ADAM22: variants seen among roughly 807,000 people sequenced by gnomAD.
ADAM22 encodes the protein ADAM metallopeptidase domain 22.
A neutral mutation model predicts 144.6 loss-of-function variants in ADAM22; 65 were observed. That is an observed-to-expected ratio of 0.45 (90% CI 0.37 to 0.55). ADAM22 has a LOEUF of 0.55. Ranked by LOEUF, ADAM22 falls within the 20% of genes least tolerant of loss-of-function variation. ADAM22 has a pLI of 0.00. For missense variants in ADAM22, 974 were observed against 1,184.9 expected (o/e 0.82, Z 2.61); for synonymous variants, 391 against 412.6 (o/e 0.95, Z 0.63).
At chr7:88,009,512 C>G (rs1388917168) in intron 3 of ADAM22, among the ~76,000 whole-genome samples, 1 of 152,092 alleles carries the variant, frequency 6.6e-6, no homozygotes, top group Non-Finnish European at 1.5e-5. Flanking sequence ...AATCAGGCAT[C>G]ATAATTTTTC....
chr7:87,983,723 A>G (rs1474795380), intron 3 of ADAM22, among the ~76,000 whole-genome samples: 7 of 152,062 alleles, frequency 4.6e-5, no homozygotes, highest in Non-Finnish European at 1.0e-4. Context: ...TTTTTGTAAT[A>G]AAAATAACTA....
chr7:88,005,298 A>G (rs1793539866), intron 3 of ADAM22, among the ~76,000 whole-genome samples: 1 of 152,158 alleles, frequency 6.6e-6, no homozygotes, highest in Non-Finnish European at 1.5e-5. Context: ...TAAGACTGTG[A>G]TCTGGATGTC....
chr7:88,022,625 A>C (rs2129467047), intron 3 of ADAM22, among the ~76,000 whole-genome samples: 1 of 152,256 alleles, frequency 6.6e-6, no homozygotes, highest in African/African-American at 2.4e-5. Flanking sequence ...TGGTGTATGA[A>C]ATTTAATTTT....
chr7:88,056,180 T>C (rs961930867), intron 3 of ADAM22, among the ~76,000 whole-genome samples: 2 of 152,334 alleles, frequency 1.3e-5, no homozygotes, highest in Non-Finnish European at 2.9e-5. Flanking sequence ...TATTTATAGG[T>C]TCTTTTTTTC....
intron 3 of ADAM22, among the ~76,000 whole-genome samples, chr7:88,011,516 G>A (rs1484097094): frequency 6.6e-6 from 1 of 151,240 alleles, no homozygotes; most frequent in Non-Finnish European, 1.5e-5. Flanking sequence ...CTCCAGCCTG[G>A]GTGACAGAGC....
Position 88,056,201 on chromosome 7 carries a change from TCTTTA to T in ADAM22, c.324-19421_324-19417del, listed in dbSNP as rs1209423898. On this transcript the variant is annotated intron_variant, in intron 3 of 31. Coordinates refer to ENST00000413139, the MANE Select transcript of ADAM22 (RefSeq NM_001324418.2). The stretch of plus-strand genomic sequence containing the variant: ...TAGGTTCTTTTTTTCTTCTCCATCC[TCTTTA>T]CTTCATAGAAAAGGACAATGCTTAA... 2.0e-5 allele frequency among the ~76,000 whole-genome samples: 3 copies of T among 152,330 alleles called. No individual in the cohort carries two copies. The East Asian group carries it at 5.8e-4, about 29-fold the overall frequency.
intron 3 of ADAM22, among the ~76,000 whole-genome samples, chr7:88,041,751 G>T (rs1268364029): frequency 6.6e-6 from 1 of 151,912 alleles, no homozygotes; most frequent in Non-Finnish European, 1.5e-5. Flanking sequence ...CCCAGATAAG[G>T]ATAATTGCTT....
chr7:88,065,348 C>T (rs916964599), intron 3 of ADAM22, among the ~76,000 whole-genome samples: 1 of 152,006 alleles, frequency 6.6e-6, no homozygotes, highest in East Asian at 1.9e-4. Flanking sequence ...GAAAATATTT[C>T]GTTTAACCAA....
rs532951184 is a variant in ADAM22 at position 88,169,340 on chromosome 7, G to A, written c.2282+1113G>A. ...GTTTGACATGGCATGTCATAGTGAA[G>A]GAGAGTACAGCACAGTAGTAAGCTT... On this transcript the variant is annotated intron_variant, in intron 25 of 31. Transcript: ENST00000413139. Among the ~76,000 whole-genome samples the A allele has an allele frequency of 4.5e-4, 69 of 152,254 alleles. 1 individual carries two copies. The South Asian group carries it at 0.013, about 30-fold the overall frequency.
intron 3 of ADAM22, among the ~76,000 whole-genome samples, chr7:88,009,302 T>C (rs1462575540): frequency 2.0e-5 from 3 of 152,220 alleles, no homozygotes; most frequent in African/African-American, 7.2e-5. Context: ...TTTTCTGGTA[T>C]GCTCGTATGA....
chr7:87,997,200 T>A (rs1277356199), intron 3 of ADAM22, among the ~76,000 whole-genome samples: 1 of 152,246 alleles, frequency 6.6e-6, no homozygotes, highest in Admixed American at 6.5e-5. Context: ...GTAAACCTAC[T>A]GACCATATTT....
chr7:88,101,486 C>T (rs899332113), intron 4 of ADAM22, among the ~76,000 whole-genome samples: 2 of 152,166 alleles, frequency 1.3e-5, no homozygotes, highest in African/African-American at 4.8e-5. Context: ...AGATGTAGCA[C>T]TGAAATACCA....
intron 4 of ADAM22, among the ~76,000 whole-genome samples, chr7:88,085,901 G>A (rs1818321667): frequency 6.6e-6 from 1 of 152,134 alleles, no homozygotes; most frequent in African/African-American, 2.4e-5. Flanking sequence ...TTTTGCCTGG[G>A]CACAGTGGCT....
At chr7:88,188,343 A>C (rs1297543321) in intron 30 of ADAM22, among the ~76,000 whole-genome samples, 1 of 152,098 alleles carries the variant, frequency 6.6e-6, no homozygotes, top group Non-Finnish European at 1.5e-5. Flanking sequence ...ATCAGCACCC[A>C]GGTCTGCCCA....
At chr7:88,057,573 G>A (rs926991107) in intron 3 of ADAM22, among the ~76,000 whole-genome samples, 9 of 152,112 alleles carry the variant, frequency 5.9e-5, no homozygotes, top group Non-Finnish European at 1.3e-4. Flanking sequence ...TGACTATTTA[G>A]TTCTGTTATA....
intron 3 of ADAM22, among the ~76,000 whole-genome samples, chr7:88,066,253 A>G (rs534701879): frequency 2.9e-4 from 44 of 152,270 alleles, no homozygotes; most frequent in East Asian, 2.1e-3. Flanking sequence ...GGTGGTGGCA[A>G]TGGAAATGTT....
intron 27 of ADAM22, among the ~76,000 whole-genome samples, chr7:88,180,099 C>A (rs1276044312): frequency 1.3e-5 from 2 of 151,936 alleles, no homozygotes; most frequent in Non-Finnish European, 2.9e-5. Flanking sequence ...ATTAGTGAGA[C>A]CTGGGAACTC....
chr7:87,959,919 G>C (rs992199218), intron 2 of ADAM22, among the ~76,000 whole-genome samples: 3 of 152,090 alleles, frequency 2.0e-5, no homozygotes, highest in Admixed American at 2.0e-4. Context: ...TTAAATAAAA[G>C]TTTGTCATTC....
chr7:88,023,402 A>G (rs1009360080), intron 3 of ADAM22, among the ~76,000 whole-genome samples: 2 of 152,216 alleles, frequency 1.3e-5, no homozygotes, highest in African/African-American at 4.8e-5. Context: ...TTTGTGTTAC[A>G]AACAATCCAA....
Sources: gnomAD v4.1 joint callset for allele counts (sites outside exome capture counted in the v4.1 genomes callset) on GRCh38, gnomAD v4.1.1 for gene constraint, MANE v1.5 for transcripts, NCBI Gene and HGNC (gene_info 2026-07-23, HGNC 2026-07-21) for gene names.